Variants in KCNAB1 observed in about 807,000 individuals in gnomAD.
The protein encoded by KCNAB1 is voltage-gated potassium channel subunit beta-1.
KCNAB1 carries 35 observed loss-of-function variants against 64.6 expected under a neutral mutation model. That is an observed-to-expected ratio of 0.54 (90% CI 0.41 to 0.72). The LOEUF (loss-of-function observed/expected upper bound fraction) is 0.72, where lower values mean the gene tolerates loss of function less well. KCNAB1 is among the 30% of genes least tolerant of loss of function. The pLI is 0.00. For synonymous variants in KCNAB1, 177 were observed against 183.8 expected (o/e 0.96, Z 0.30); for missense variants, 401 against 512.9 (o/e 0.78, Z 2.11).
intron 1 of KCNAB1, among the ~76,000 whole-genome samples, chr3:156,379,582 C>G (rs547568453): frequency 2.0e-5 from 3 of 152,040 alleles, no homozygotes; most frequent in East Asian, 3.9e-4. Context: ...GGAGTGTGCC[C>G]AGCATGTTAA....
chr3:156,534,451 C>T (rs372248774), intron 13 of KCNAB1, among the ~76,000 whole-genome samples: 1 of 152,242 alleles, frequency 6.6e-6, no homozygotes, highest in South Asian at 2.1e-4. Context: ...CTCTCCCCCT[C>T]CTCCCCACAT....
chr3:156,216,767 G>A (rs1464805639), intron 1 of KCNAB1, among the ~76,000 whole-genome samples: 1 of 152,100 alleles, frequency 6.6e-6, no homozygotes, highest in African/African-American at 2.4e-5. Flanking sequence ...TTTTATCCCT[G>A]CTTGACAGAT....
chr3:156,184,815 G>A (rs1015770760), intron 1 of KCNAB1, among the ~76,000 whole-genome samples: 3 of 152,080 alleles, frequency 2.0e-5, no homozygotes, highest in African/African-American at 4.8e-5. Context: ...CCCCATACCT[G>A]TTTCTCCTGT....
intron 8 of KCNAB1, among the ~76,000 whole-genome samples, chr3:156,513,144 G>A (rs976203540): frequency 2.0e-5 from 3 of 151,970 alleles, no homozygotes; most frequent in Admixed American, 6.6e-5. Flanking sequence ...CCCGGGAGGC[G>A]GAGCCTGCAG....
At chr3:156,207,260 G>A (rs114679039) in intron 1 of KCNAB1, among the ~76,000 whole-genome samples, 3,896 of 152,298 alleles carry the variant, frequency 0.026, 74 homozygotes, top group Middle Eastern at 0.048. Context: ...AGAAAATGTG[G>A]TTGGGGTATT....
chr3:156,311,658 T>G (rs1721913144), intron 1 of KCNAB1, among the ~76,000 whole-genome samples: 1 of 152,148 alleles, frequency 6.6e-6, no homozygotes, highest in African/African-American at 2.4e-5. Context: ...TCATTGCATA[T>G]TCTTTAGCAC....
chr3:156,222,379 C>A (rs746140463), intron 1 of KCNAB1, among the ~76,000 whole-genome samples: 5 of 152,090 alleles, frequency 3.3e-5, no homozygotes, highest in Admixed American at 6.6e-5. Context: ...GAAAATATCA[C>A]AATTCTAAAT....
intron 13 of KCNAB1, among the ~76,000 whole-genome samples, chr3:156,534,572 C>A (rs1032272357): frequency 6.6e-6 from 1 of 152,168 alleles, no homozygotes. Flanking sequence ...AATCTTGAGC[C>A]GCTCTCAACC....
Position 156,277,604 on chromosome 3 carries a change from C to G in KCNAB1, c.276-144012C>G, listed in dbSNP as rs117650849. Among the ~76,000 whole-genome samples the G allele has an allele frequency of 1.6e-4, 25 of 152,170 alleles. No individual in the cohort carries two copies. The East Asian group carries it at 4.1e-3, about 25-fold the overall frequency. Reference sequence around the variant, plus strand: ...TTCTGTTTAAGGGCTAAATAATATTCTATTGTATATATACCACATTTAAAA... The same window carrying G: ...TTCTGTTTAAGGGCTAAATAATATTGTATTGTATATATACCACATTTAAAA... On this transcript the variant is annotated intron_variant, in intron 1 of 13. Transcript: ENST00000490337.
At chr3:156,526,861 CAA>C (rs11314730) in intron 12 of KCNAB1, among the ~76,000 whole-genome samples, 221 of 142,182 alleles carry the variant, frequency 1.6e-3, no homozygotes, top group East Asian at 5.5e-3. Flanking sequence ...TGATTCTAGA[CAA>C]AAAAAAAAAA....
chr3:156,141,042 A>C (rs975240237), intron 1 of KCNAB1, among the ~76,000 whole-genome samples: 5 of 151,808 alleles, frequency 3.3e-5, no homozygotes, highest in Non-Finnish European at 7.4e-5. Context: ...AAAAACCCAT[A>C]TGTGAGGAGT....
chr3:156,463,158 C>T (rs902619579), intron 5 of KCNAB1, among the ~76,000 whole-genome samples: 3 of 152,048 alleles, frequency 2.0e-5, no homozygotes, highest in Admixed American at 2.0e-4. Context: ...CAGTTCCTGC[C>T]TGTGAATGTG....
At chr3:156,420,216 C>G (rs963765060) in intron 1 of KCNAB1, among the ~76,000 whole-genome samples, 4 of 152,188 alleles carry the variant, frequency 2.6e-5, no homozygotes, top group African/African-American at 7.2e-5. Context: ...CGATCTGGCC[C>G]TACAAACAGT....
intron 2 of KCNAB1, among the ~76,000 whole-genome samples, chr3:156,424,792 G>A (rs1715704332): frequency 6.6e-6 from 1 of 152,190 alleles, no homozygotes; most frequent in Non-Finnish European, 1.5e-5. Context: ...GACTGTGTAT[G>A]AGGTGCAGGC....
intron 1 of KCNAB1, among the ~76,000 whole-genome samples, chr3:156,209,540 T>C (rs1437226912): frequency 4.6e-5 from 7 of 152,226 alleles, no homozygotes; most frequent in Non-Finnish European, 8.8e-5. Context: ...ACAGGTGTTA[T>C]GGCTTTGATA....
intron 1 of KCNAB1, among the ~76,000 whole-genome samples, chr3:156,296,023 A>G (rs2107977023): frequency 6.6e-6 from 1 of 152,320 alleles, no homozygotes; most frequent in Middle Eastern, 3.4e-3. Context: ...TCAGAGTTTC[A>G]TAGTTGTGCT....
At chr3:156,318,085 G>C (rs987612250) in intron 1 of KCNAB1, among the ~76,000 whole-genome samples, 9 of 152,152 alleles carry the variant, frequency 5.9e-5, no homozygotes, top group African/African-American at 2.2e-4. Context: ...GAGGTAAAAG[G>C]AACAGGAAGA....
intron 6 of KCNAB1, 62 bp downstream of exon 6, chr3:156,463,808 C>T: frequency 7.5e-7 from 1 of 1,335,002 alleles, no homozygotes; most frequent in Non-Finnish European, 1.1e-6. Context: ...TGCTGTTAGG[C>T]AGTTATTTTA....
intron 1 of KCNAB1, among the ~76,000 whole-genome samples, chr3:156,148,553 C>A (rs1715191912): frequency 6.6e-6 from 1 of 152,212 alleles, no homozygotes; most frequent in African/African-American, 2.4e-5. Flanking sequence ...GCCTCAGCTT[C>A]CATATCTGTA....
Sources: gnomAD v4.1 joint callset for allele counts (sites outside exome capture counted in the v4.1 genomes callset) on GRCh38, gnomAD v4.1.1 for gene constraint, MANE v1.5 for transcripts, NCBI Gene and HGNC (gene_info 2026-07-23, HGNC 2026-07-21) for gene names.